GSR: variants seen among roughly 807,000 people sequenced by gnomAD.
GSR encodes the protein glutathione reductase, mitochondrial.
GSR carries 48 observed loss-of-function variants against 56.5 expected under a neutral mutation model. The ratio of observed to expected loss-of-function variants is 0.85; its 90% CI spans 0.67 to 1.08. The LOEUF is 1.08. Among genes scored for constraint, GSR ranks in the 50% least tolerant of loss-of-function variants. The pLI is 0.00. For missense variants in GSR, 694 were observed against 703.3 expected (o/e 0.99, Z 0.15); for synonymous variants, 264 against 270.8 (o/e 0.97, Z 0.25).
chr8:30,703,385 T>G (rs1360842792), intron 4 of GSR, 145 bp from the exon 5 acceptor site: 2 of 829,226 alleles, frequency 2.4e-6, no homozygotes, highest in Admixed American at 2.1e-5. Context: ...TTCAAGTTTC[T>G]GTAGAACTTC....
intron 7 of GSR, among the ~76,000 whole-genome samples, chr8:30,694,115 C>A (rs1803474066): frequency 6.6e-6 from 1 of 152,098 alleles, no homozygotes; most frequent in Admixed American, 6.6e-5. Flanking sequence ...TATTCAGGAC[C>A]TCAATCTCCT....
intron 7 of GSR, 49 bp downstream of exon 7, chr8:30,696,331 T>C: frequency 7.9e-7 from 1 of 1,261,412 alleles, no homozygotes; most frequent in South Asian, 1.2e-5. Context: ...AAATTCTTCA[T>C]TTTTTAAATT....
At chr8:30,726,701 G>A (rs545425435) in intron 1 of GSR, among the ~76,000 whole-genome samples, 36 of 152,262 alleles carry the variant, frequency 2.4e-4, no homozygotes, top group Non-Finnish European at 4.3e-4. Context: ...GTTCGAGGCT[G>A]CAGTGAGCTA....
At chr8:30,692,942 C>T (rs1803436895) in intron 8 of GSR, 27 bp downstream of exon 8, 6 of 1,434,958 alleles carry the variant, frequency 4.2e-6, no homozygotes, top group Non-Finnish European at 2.9e-6. Context: ...CTGGGGGCCG[C>T]GTGCATGCCT....
At chr8:30,696,015 G>A (rs962288117) in intron 7 of GSR, among the ~76,000 whole-genome samples, 10 of 151,940 alleles carry the variant, frequency 6.6e-5, no homozygotes, top group Non-Finnish European at 4.4e-5. Flanking sequence ...ACTCCAGCCT[G>A]GACAAAAGAG....
At position 30,679,275 on chromosome 8, in the gene GSR, A is replaced by AT; in HGVS notation, c.*244dup. On this transcript the variant is annotated 3_prime_UTR_variant, in exon 13 of 13. Coordinates refer to ENST00000221130, the MANE Select transcript of GSR (RefSeq NM_000637.5). ...AAAAAAAACTAGCACAGAGCTGTTA[A>AT]TAAAAAAAAAACTTGAAAATATTAA... 1 of 528,860 alleles carries AT rather than the reference A, an allele frequency of 1.9e-6. No individual in the cohort carries two copies. Among genetic ancestry groups the AT allele is most frequent in the Non-Finnish European group, 3.4e-6 (1 of 298,138 alleles). The allele number at this position is 528,860 out of a possible 1,614,324, so 32.8% of individuals were successfully genotyped here. A position where few individuals can be genotyped will look rare whatever the true frequency, so the allele number is the denominator to read the frequency against.
intron 2 of GSR, among the ~76,000 whole-genome samples, chr8:30,711,080 C>G (rs1024009743): frequency 1.3e-5 from 2 of 152,100 alleles, no homozygotes; most frequent in Admixed American, 1.3e-4. Context: ...GAAGAAAAGT[C>G]TTCCTAAGAC....
intron 4 of GSR, among the ~76,000 whole-genome samples, chr8:30,703,897 A>G (rs1209867616): frequency 1.3e-5 from 2 of 152,010 alleles, no homozygotes; most frequent in Admixed American, 6.6e-5. Flanking sequence ...AGAAGAAGAA[A>G]TAAAAGTGCT....
intron 4 of GSR, among the ~76,000 whole-genome samples, chr8:30,707,733 TCAC>T (rs1247965493): frequency 6.6e-6 from 1 of 151,874 alleles, no homozygotes; most frequent in Non-Finnish European, 1.5e-5. Context: ...GGTGGGCAGA[TCAC>T]CTGAGGTCAG....
intron 8 of GSR, among the ~76,000 whole-genome samples, chr8:30,691,821 G>A (rs1164935791): frequency 2.0e-5 from 3 of 152,058 alleles, no homozygotes; most frequent in South Asian, 4.1e-4. Flanking sequence ...ATCAGGGGCC[G>A]GGTGTGGTGG....
intron 7 of GSR, among the ~76,000 whole-genome samples, chr8:30,694,987 T>C (rs1803498613): frequency 6.6e-6 from 1 of 151,442 alleles, no homozygotes; most frequent in African/African-American, 2.4e-5. Flanking sequence ...GAAAATCCTA[T>C]GAGCTCAGAA....
At chr8:30,690,830 C>T (rs1803354018) in intron 8 of GSR, among the ~76,000 whole-genome samples, 2 of 151,788 alleles carry the variant, frequency 1.3e-5, no homozygotes, top group South Asian at 4.2e-4. Context: ...TTTGGGAGGC[C>T]GAGGCTAGAG....
chr8:30,701,905 T>C (rs1803756028), intron 5 of GSR, among the ~76,000 whole-genome samples: 1 of 151,406 alleles, frequency 6.6e-6, no homozygotes, highest in South Asian at 2.1e-4. Context: ...ACAAAGTCCT[T>C]ATAATCTAGC....
At chr8:30,688,399 T>G (rs1341856619) in intron 9 of GSR, among the ~76,000 whole-genome samples, 1 of 151,880 alleles carries the variant, frequency 6.6e-6, no homozygotes, top group African/African-American at 2.4e-5. Flanking sequence ...GGCAACATAG[T>G]AAGACTCCAT....
chr8:30,705,553 C>T (rs538717516), intron 4 of GSR, among the ~76,000 whole-genome samples: 33 of 152,152 alleles, frequency 2.2e-4, no homozygotes, highest in Non-Finnish European at 3.1e-4. Context: ...TGAGCCACCG[C>T]GCCCGGCCTC....
chr8:30,698,818 C>T (rs1803632582), intron 6 of GSR, among the ~76,000 whole-genome samples: 1 of 152,112 alleles, frequency 6.6e-6, no homozygotes, highest in South Asian at 2.1e-4. Context: ...GAGTGCCACT[C>T]AGAAGATGAA....
chr8:30,685,268 AT>A (rs1333255945), intron 9 of GSR, among the ~76,000 whole-genome samples: 1 of 151,890 alleles, frequency 6.6e-6, no homozygotes. Flanking sequence ...CCTTTTTAAC[AT>A]TTTTTTATAG....
chr8:30,709,896 A>G lies in GSR; in HGVS notation c.340T>C (p.Trp114Arg). 6.7e-7 allele frequency: 1 copy of G among 1,503,522 alleles called. No homozygotes were observed. Among genetic ancestry groups the G allele is most frequent in the Non-Finnish European group, 9.1e-7 (1 of 1,094,008 alleles). The allele number at this position is 1,503,522 out of a possible 1,614,324, so 93.1% of individuals were successfully genotyped here. A position where few individuals can be genotyped will look rare whatever the true frequency, so the allele number is the denominator to read the frequency against. The change falls in exon 3 of 13, where the codon TGG becomes CGG. Residue 114 changes from tryptophan to arginine, a missense_variant. Transcript: ENST00000221130. ...NVGCVPKKVM[W>R]NTAVHSEFMH... ...AATTCAGAGTGGACAGCTGTGTTCC[A>G]CATTACCTGTAAAAAAAAAAAAAAA...
Position 30,727,530 on chromosome 8 carries a change from G to T in GSR, c.306C>A (p.Cys102Ter), listed in dbSNP as rs187394555. Residue 102 changes from cysteine (C) to a stop codon, truncating the protein, a stop_gained and splice_region_variant, in exon 1 of 13, where the codon TGC (cysteine) becomes TGA (stop). Transcript: ENST00000221130. LOFTEE classifies it high-confidence loss of function. ...VVESHKLGGT[C>*]VNVGCVPKKV... is the part of the protein sequence containing the mutation. The stretch of plus-strand genomic sequence containing the variant: ...GCCCGAACAAACCGGCGGTACTCAC[G>T]CAAGTGCCACCCAGCTTGTGGCTCT... 2 of 1,537,008 alleles carry T rather than the reference G, an allele frequency of 1.3e-6. No homozygotes were observed. The highest frequency in any genetic ancestry group is 1.2e-5 in the South Asian group (1 of 83,572).
Sources: gnomAD v4.1 joint callset for allele counts (sites outside exome capture counted in the v4.1 genomes callset) on GRCh38, gnomAD v4.1.1 for gene constraint, MANE v1.5 for transcripts, NCBI Gene and HGNC (gene_info 2026-07-23, HGNC 2026-07-21) for gene names.